EVC2: variants seen among roughly 807,000 people sequenced by gnomAD.
The protein encoded by EVC2 is EvC ciliary complex subunit 2.
In EVC2, 148 loss-of-function variants were observed where a neutral mutation model predicts 149.3. That is an observed-to-expected ratio of 0.99 (90% CI 0.87 to 1.14). The LOEUF (loss-of-function observed/expected upper bound fraction) is 1.14, where lower values mean the gene tolerates loss of function less well. Among genes scored for constraint, EVC2 ranks in the 50% most tolerant of loss-of-function variants. EVC2 has a pLI of 0.00. For missense variants in EVC2, 1,854 were observed against 1,627.3 expected, an observed-to-expected ratio of 1.14 and a Z score of -2.40; for synonymous variants, 776 against 649.9, an observed-to-expected ratio of 1.19 and a Z score of -2.95.
downstream of EVC2, among the ~76,000 whole-genome samples, chr4:5,542,594 T>A (rs1012403949): frequency 6.6e-6 from 1 of 152,184 alleles, no homozygotes; most frequent in African/African-American, 2.4e-5. Context: ...CTGCCCAGGT[T>A]CTAAGCCTGG....
the EVC2 span, among the ~76,000 whole-genome samples, chr4:5,533,984 G>A: frequency 3.3e-5 from 5 of 152,224 alleles, no homozygotes; most frequent in African/African-American, 1.2e-4. Context: ...TGAGGTCACA[G>A]AGGGAGCCAA....
chr4:5,666,002 G>T (rs1258943904), intron 7 of EVC2, among the ~76,000 whole-genome samples: 3 of 152,162 alleles, frequency 2.0e-5, no homozygotes, highest in South Asian at 2.1e-4. Flanking sequence ...GACATTTTCT[G>T]AGAATCACAG....
Position 5,633,667 on chromosome 4 carries a change from C to G in EVC2, c.1471-1635G>C, listed in dbSNP as rs905584776. Among the ~76,000 whole-genome samples the G allele has an allele frequency of 6.6e-6, 1 of 152,216 alleles. No individual in the cohort carries two copies. Among genetic ancestry groups the G allele is most frequent in the Non-Finnish European group, 1.5e-5 (1 of 68,048 alleles). On this transcript the variant is annotated intron_variant, in intron 10 of 21. Transcript: ENST00000344408. This position sits in a 1 kb window ranked among gnomAD's most constrained non-coding sequence, Gnocchi z 4.4. Reference sequence around the variant, plus strand: ...TAAAGGCCTGGCCTTGGGAAGCAGGCAGGTGTGGCATCATGCCATGGCTGG... The same window carrying G: ...TAAAGGCCTGGCCTTGGGAAGCAGGGAGGTGTGGCATCATGCCATGGCTGG...
intron 5 of EVC2, 119 bp from the exon 6 acceptor site, chr4:5,685,598 T>C: frequency 1.3e-6 from 1 of 758,416 alleles, no homozygotes; most frequent in Non-Finnish European, 2.2e-6. Context: ...GAGGCCACCA[T>C]GGCAGTGATG....
chr4:5,654,861 A>C (rs1051028201), intron 9 of EVC2, among the ~76,000 whole-genome samples: 2 of 152,188 alleles, frequency 1.3e-5, no homozygotes, highest in African/African-American at 2.4e-5. Flanking sequence ...GGTCGGGTGG[A>C]AGCTGCCACT....
At chr4:5,583,077 G>A (rs1054412165) in intron 17 of EVC2, among the ~76,000 whole-genome samples, 1 of 151,876 alleles carries the variant, frequency 6.6e-6, no homozygotes, top group East Asian at 1.9e-4. Flanking sequence ...TGCAAGAACA[G>A]ACTAATATAA....
At chr4:5,674,298 G>T (rs1217294348) in intron 7 of EVC2, among the ~76,000 whole-genome samples, 2 of 152,170 alleles carry the variant, frequency 1.3e-5, no homozygotes, top group Non-Finnish European at 2.9e-5. Context: ...ATAGCATCTG[G>T]AGTAGAGAAC....
intron 16 of EVC2, 59 bp from the exon 17 acceptor site, chr4:5,584,909 G>A: frequency 7.6e-6 from 12 of 1,573,720 alleles, no homozygotes; most frequent in Non-Finnish European, 9.6e-6. Flanking sequence ...GAGGGTGGAG[G>A]AGAACAAACA....
At chr4:5,655,719 T>C (rs538022013) in intron 9 of EVC2, among the ~76,000 whole-genome samples, 10 of 118,356 alleles carry the variant, frequency 8.4e-5, no homozygotes, top group Non-Finnish European at 1.6e-4. Flanking sequence ...ACCAAATACT[T>C]AATCCACATG....
At chr4:5,607,944 G>C (rs1395516295) in intron 16 of EVC2, among the ~76,000 whole-genome samples, 6 of 151,772 alleles carry the variant, frequency 4.0e-5, no homozygotes, top group Admixed American at 2.0e-4. Context: ...GAAAGGGGAG[G>C]AGACAGGGGA....
intron 16 of EVC2, among the ~76,000 whole-genome samples, chr4:5,593,599 C>T (rs558258973): frequency 4.9e-4 from 74 of 152,212 alleles, no homozygotes; most frequent in African/African-American, 1.7e-3. Context: ...GCAAAGATGG[C>T]CGAATAGGAA....
intron 10 of EVC2, among the ~76,000 whole-genome samples, chr4:5,639,637 G>A (rs1026766039): frequency 6.6e-6 from 1 of 152,220 alleles, no homozygotes; most frequent in African/African-American, 2.4e-5. Flanking sequence ...GTACTAGACT[G>A]TGAGTTCAGG....
At position 5,618,598 on chromosome 4, in the gene EVC2, C is replaced by G; in HGVS notation, c.2586G>C (p.Met862Ile). ...RQEVHGCFAQ[M>I]DRSLALPKIR... ...TCTTGGGGAGGGCCAAGCTCCTGTC[C>G]ATCTGAGCAAAGCAGCCATGGACCT... Residue 862 changes from methionine (M) to isoleucine (I), a missense_variant, in exon 15 of 22, where the codon ATG becomes ATC. Physicochemically the swap from Met to Ile is conservative, Grantham distance 10. Transcript: ENST00000344408. This position sits in a 1 kb window ranked among gnomAD's most constrained non-coding sequence, Gnocchi z 4.4. 1 of 1,613,968 alleles carries G rather than the reference C, an allele frequency of 6.2e-7. No individual in the cohort carries two copies. The highest frequency in any genetic ancestry group is 1.1e-5 in the South Asian group (1 of 90,994).
downstream of EVC2, among the ~76,000 whole-genome samples, chr4:5,537,949 A>G (rs1206077662): frequency 2.4e-4 from 37 of 152,132 alleles, no homozygotes; most frequent in Non-Finnish European, 1.5e-5. Context: ...AGCAGATATC[A>G]GTGAAATACA....
chr4:5,630,802 T>G (rs1716475970), intron 11 of EVC2, among the ~76,000 whole-genome samples: 1 of 152,192 alleles, frequency 6.6e-6, no homozygotes, highest in African/African-American at 2.4e-5. Context: ...AGGCAGCCTG[T>G]CTAAAGAATG....
intron 10 of EVC2, among the ~76,000 whole-genome samples, chr4:5,634,291 G>T (rs917987625): frequency 2.6e-5 from 4 of 152,198 alleles, no homozygotes; most frequent in African/African-American, 9.7e-5. Context: ...ATCAAAGGAT[G>T]CAATTCACCA....
intron 14 of EVC2, among the ~76,000 whole-genome samples, chr4:5,621,146 C>CCAG (rs1207858154): frequency 2.0e-5 from 3 of 152,160 alleles, no homozygotes; most frequent in Non-Finnish European, 1.5e-5. Flanking sequence ...ACCTATTTTC[C>CCAG]TGGTAGCAAG....
At chr4:5,592,867 T>A (rs1373341808) in intron 16 of EVC2, among the ~76,000 whole-genome samples, 1 of 152,164 alleles carries the variant, frequency 6.6e-6, no homozygotes, top group African/African-American at 2.4e-5. Flanking sequence ...GGATGTGATA[T>A]GGTTTGGCTG....
intron 17 of EVC2, among the ~76,000 whole-genome samples, chr4:5,581,283 G>C (rs1223958037): frequency 6.6e-6 from 1 of 152,246 alleles, no homozygotes; most frequent in Non-Finnish European, 1.5e-5. Context: ...GAGATTGGAA[G>C]AGTGTGGAGG....
Sources: gnomAD v4.1 joint callset for allele counts (sites outside exome capture counted in the v4.1 genomes callset) on GRCh38, gnomAD v4.1.1 for gene constraint, Gnocchi (gnomAD v3.1) non-coding constraint, MANE v1.5 for transcripts, NCBI Gene and HGNC (gene_info 2026-07-23, HGNC 2026-07-21) for gene names.